Variants in TBC1D4 observed in about 807,000 individuals in gnomAD.
The protein encoded by TBC1D4 is TBC (Tre-2, BUB2, CDC16) domain-containing protein.
In TBC1D4, 121 loss-of-function variants were observed where a neutral mutation model predicts 142.5. The observed-to-expected ratio is 0.85, with a 90% CI of 0.73 to 0.99. TBC1D4 has a LOEUF of 0.99. Ranked by LOEUF, TBC1D4 falls within the 50% of genes least tolerant of loss-of-function variation. The pLI is 0.00. For synonymous variants in TBC1D4, 630 were observed against 628.2 expected (o/e 1.00, Z -0.04); for missense variants, 1,475 against 1,606.6 (o/e 0.92, Z 1.40).
At chr13:75,480,973 G>A (rs1305696064) in intron 1 of TBC1D4, among the ~76,000 whole-genome samples, 1 of 152,120 alleles carries the variant, frequency 6.6e-6, no homozygotes, top group African/African-American at 2.4e-5. Context: ...GCTCCTCCAC[G>A]CGTGCTCCTT....
intron 1 of TBC1D4, among the ~76,000 whole-genome samples, chr13:75,458,302 G>A (rs1197391207): frequency 2.0e-5 from 3 of 152,098 alleles, no homozygotes; most frequent in Admixed American, 1.3e-4. Context: ...ACCCCCAGCC[G>A]AACTCTCAAC....
chr13:75,393,028 C>A (rs1057244541), intron 1 of TBC1D4, among the ~76,000 whole-genome samples: 3 of 151,814 alleles, frequency 2.0e-5, no homozygotes, highest in African/African-American at 7.3e-5. Flanking sequence ...CTACAGTATA[C>A]CCTTCCTTAT....
rs1875748068 is a variant in TBC1D4 at position 75,294,970 on chromosome 13, C to T, written c.3200G>A (p.Arg1067Lys). 6.2e-7 allele frequency: 1 copy of T among 1,613,622 alleles called. No homozygotes were observed. The highest frequency in any genetic ancestry group is 8.5e-7 in the Non-Finnish European group (1 of 1,179,856). Residue 1067 changes from arginine (R) to lysine (K), a missense_variant, in exon 18 of 21, where the codon AGA becomes AAA. Transcript: ENST00000377636. ...TTCTTCAAGGTGATTGTAGAGATCT[C>T]TGTGATAGTCATGAAGGAGCCTGGA... ...QLSRLLHDYH[R>K]DLYNHLEENE...
chr13:75,351,137 C>T (rs1881553034), intron 4 of TBC1D4, among the ~76,000 whole-genome samples: 1 of 152,030 alleles, frequency 6.6e-6, no homozygotes. Context: ...AATTAAATTT[C>T]CAGCAAAAAA....
chr13:75,359,742 C>T (rs1360691703), intron 3 of TBC1D4, 27 bp downstream of exon 3: 1 of 1,537,062 alleles, frequency 6.5e-7, no homozygotes, highest in African/African-American at 1.4e-5. Flanking sequence ...GGTCTCTTCA[C>T]ATACTATGAT....
At position 75,329,888 on chromosome 13, in the gene TBC1D4, T is replaced by A. The variant is rs576332660; in HGVS notation, c.1732-2062A>T. Reference sequence around the variant, plus strand: ...CCATTGTGATTCTAGAGCCTGTGTGTCTGACCTGCTGTTTCTCTTTGGAAC... The same window carrying A: ...CCATTGTGATTCTAGAGCCTGTGTGACTGACCTGCTGTTTCTCTTTGGAAC... On this transcript the variant is annotated intron_variant, in intron 8 of 20. Transcript: ENST00000377636. Among the ~76,000 whole-genome samples the A allele has an allele frequency of 3.9e-5, 6 of 152,342 alleles. No individual in the cohort carries two copies. The East Asian group carries it at 1.2e-3, about 29-fold the overall frequency.
chr13:75,325,727 A>G (rs1354265174), intron 10 of TBC1D4, among the ~76,000 whole-genome samples: 2 of 152,222 alleles, frequency 1.3e-5, no homozygotes, highest in Non-Finnish European at 1.5e-5. Context: ...TTTCATATTC[A>G]GCTTTAATTT....
chr13:75,345,765 A>G (rs1881102501), intron 5 of TBC1D4, among the ~76,000 whole-genome samples: 1 of 151,998 alleles, frequency 6.6e-6, no homozygotes, highest in Non-Finnish European at 1.5e-5. Context: ...ATTTAAAACT[A>G]TAAAAACTTC....
At chr13:75,459,810 A>T (rs1329756101) in intron 1 of TBC1D4, among the ~76,000 whole-genome samples, 1 of 152,192 alleles carries the variant, frequency 6.6e-6, no homozygotes, top group Admixed American at 6.5e-5. Flanking sequence ...AACAACAAAA[A>T]CATATATTTT....
rs1888910345 is a variant in TBC1D4 at position 75,481,946 on chromosome 13, G to A, written c.-179C>T. ...GCCCTGCCCCATGCAGCACTTCCACGGGCGCGGCTCGGAGGCTCCGGCGGC... is the reference window on the plus strand; with the variant it reads ...GCCCTGCCCCATGCAGCACTTCCACAGGCGCGGCTCGGAGGCTCCGGCGGC... On this transcript the variant is annotated 5_prime_UTR_variant, in exon 1 of 21. Coordinates refer to ENST00000377636, the MANE Select transcript of TBC1D4 (RefSeq NM_014832.5). 2 of 929,752 alleles carry A rather than the reference G, an allele frequency of 2.2e-6. No homozygotes were observed. Among genetic ancestry groups the A allele is most frequent in the South Asian group, 4.6e-5 (1 of 21,968 alleles). The allele number at this position is 929,752 out of a possible 1,614,324, so 57.6% of individuals were successfully genotyped here.
At position 75,354,901 on chromosome 13, in the gene TBC1D4, C is replaced by T. The variant is rs534027849; in HGVS notation, c.1275+1246G>A. ...TCTATCTCAAGTCCTAAATGCAACC[C>T]ATTTAGCAACAGCCTCTGGATATCA... On this transcript the variant is annotated intron_variant, in intron 4 of 20. Transcript: ENST00000377636. Among the ~76,000 whole-genome samples the T allele has an allele frequency of 3.9e-5, 6 of 152,266 alleles. No individual in the cohort carries two copies. In the South Asian group the frequency reaches 1.2e-3, roughly 32 times the overall value.
chr13:75,480,867 GCA>G (rs1361059086), intron 1 of TBC1D4, among the ~76,000 whole-genome samples: 1 of 114,558 alleles, frequency 8.7e-6, no homozygotes, highest in African/African-American at 3.4e-5. Context: ...GCGCTCGCGC[GCA>G]CACGCACGCA....
At chr13:75,322,842 T>C (rs1878888688) in intron 11 of TBC1D4, among the ~76,000 whole-genome samples, 1 of 152,180 alleles carries the variant, frequency 6.6e-6, no homozygotes, top group African/African-American at 2.4e-5. Flanking sequence ...CTTATACTAG[T>C]TTTGTGGCTA....
At chr13:75,364,920 T>C (rs1024828877) in intron 1 of TBC1D4, among the ~76,000 whole-genome samples, 2 of 152,224 alleles carry the variant, frequency 1.3e-5, no homozygotes, top group Non-Finnish European at 1.5e-5. Context: ...ATTTAAATGA[T>C]TTACATACAA....
At position 75,360,003 on chromosome 13, in the gene TBC1D4, C is replaced by T. The variant is rs534296350; in HGVS notation, c.1081-145G>A. On this transcript the variant is annotated intron_variant, in intron 2 of 20. Transcript: ENST00000377636. ...ATATGTGCTTAAACATCTAATCCAA[C>T]CAATATTTTTAACCCCAAATATCAG... 7.6e-4 allele frequency: 515 copies of T among 679,118 alleles called. 6 individuals are homozygous for T. In the African/African-American group the frequency reaches 8.3e-3, roughly 11 times the overall value. The allele number at this position is 679,118 out of a possible 1,614,324, so 42.1% of individuals were successfully genotyped here.
intron 4 of TBC1D4, among the ~76,000 whole-genome samples, chr13:75,351,978 C>T (rs1422718358): frequency 6.6e-6 from 1 of 152,172 alleles, no homozygotes; most frequent in Non-Finnish European, 1.5e-5. Flanking sequence ...GCATTTTATA[C>T]TACGTGTAAA....
chr13:75,377,093 G>A (rs902854724), intron 1 of TBC1D4, among the ~76,000 whole-genome samples: 5 of 152,194 alleles, frequency 3.3e-5, no homozygotes, highest in South Asian at 4.1e-4. Context: ...GATTCAAAGT[G>A]TGAACATCAA....
chr13:75,287,966 C>T (rs1462515126), intron 20 of TBC1D4, among the ~76,000 whole-genome samples: 1 of 152,136 alleles, frequency 6.6e-6, no homozygotes, highest in Non-Finnish European at 1.5e-5. Flanking sequence ...CACCTGCTAG[C>T]CCCCATCCTG....
chr13:75,312,710 T>TA (rs1398399805), intron 13 of TBC1D4, 28 bp downstream of exon 13: 7 of 1,613,960 alleles, frequency 4.3e-6, no homozygotes, highest in African/African-American at 1.3e-5. Flanking sequence ...CTCAGAGGGA[T>TA]AAATTCCTTA....
Sources: gnomAD v4.1 joint callset for allele counts (sites outside exome capture counted in the v4.1 genomes callset) on GRCh38, gnomAD v4.1.1 for gene constraint, MANE v1.5 for transcripts, NCBI Gene and HGNC (gene_info 2026-07-23, HGNC 2026-07-21) for gene names.